PDE10A: variants seen among roughly 807,000 people sequenced by gnomAD.
PDE10A encodes phosphodiesterase 10A.
Under a neutral mutation model 97.7 loss-of-function variants are expected in PDE10A, and 39 were observed. That is an observed-to-expected ratio of 0.40 (90% CI 0.31 to 0.52). PDE10A has a LOEUF of 0.52. Ranked by LOEUF, PDE10A falls within the 20% of genes least tolerant of loss-of-function variation. PDE10A has a pLI of 0.56. For synonymous variants in PDE10A, 371 were observed against 376.8 expected (o/e 0.98, Z 0.18); for missense variants, 731 against 1,047.8 (o/e 0.70, Z 4.17).
chr6:165,766,511 G>C (rs1777854247), intron 1 of PDE10A, among the ~76,000 whole-genome samples: 1 of 152,226 alleles, frequency 6.6e-6, no homozygotes, highest in Non-Finnish European at 1.5e-5. Context: ...CCCTATCAGA[G>C]AATCTGAAGC....
intron 1 of PDE10A, among the ~76,000 whole-genome samples, chr6:165,921,928 G>C (rs188999429): frequency 1.0e-3 from 153 of 152,300 alleles, no homozygotes; most frequent in Non-Finnish European, 1.7e-3. Context: ...GCCGCTGCTG[G>C]GATTAGACTG....
chr6:165,840,133 C>T (rs1780220905), intron 1 of PDE10A, among the ~76,000 whole-genome samples: 1 of 139,422 alleles, frequency 7.2e-6, no homozygotes, highest in Non-Finnish European at 1.6e-5. Context: ...TCTCTCTATC[C>T]CCATGCTCAT....
intron 1 of PDE10A, among the ~76,000 whole-genome samples, chr6:165,926,819 T>C (rs557928512): frequency 6.6e-6 from 1 of 152,352 alleles, no homozygotes; most frequent in East Asian, 1.9e-4. Context: ...ATAATGAAGA[T>C]GTTGTACTTT....
chr6:165,454,987 TA>T (rs1777864496), intron 3 of PDE10A, among the ~76,000 whole-genome samples: 1 of 152,104 alleles, frequency 6.6e-6, no homozygotes, highest in South Asian at 2.1e-4. Flanking sequence ...AGAAGAATCC[TA>T]CTATGCCACC....
intron 2 of PDE10A, among the ~76,000 whole-genome samples, chr6:165,520,975 T>G (rs749643068): frequency 6.7e-6 from 1 of 149,656 alleles, no homozygotes; most frequent in South Asian, 2.1e-4. Flanking sequence ...ACAGATACTA[T>G]GGTTTTTTTT....
chr6:165,855,257 G>C (rs537970995), intron 1 of PDE10A, among the ~76,000 whole-genome samples: 14 of 151,096 alleles, frequency 9.3e-5, no homozygotes, highest in Non-Finnish European at 8.9e-5. Flanking sequence ...GCAGGTGCTG[G>C]TGAGGGCACC....
chr6:165,946,779 A>G (rs570074814), intron 1 of PDE10A: 1 of 152,370 alleles, frequency 6.6e-6, no homozygotes, highest in East Asian at 1.9e-4. Context: ...TTTAATAATT[A>G]AAATACATGT....
intron 1 of PDE10A, among the ~76,000 whole-genome samples, chr6:165,581,054 T>C (rs995358404): frequency 6.6e-6 from 1 of 152,242 alleles, no homozygotes; most frequent in Non-Finnish European, 1.5e-5. Context: ...AAAATAAATA[T>C]TAATTTCCTT....
At chr6:165,675,168 A>G (rs561241455) in intron 1 of PDE10A, among the ~76,000 whole-genome samples, 12 of 152,242 alleles carry the variant, frequency 7.9e-5, no homozygotes, top group Non-Finnish European at 1.8e-4. Context: ...ACAATGTAAC[A>G]TTGTTATTCT....
chr6:165,418,824 G>C lies in PDE10A; in HGVS notation c.1654-47C>G. On this transcript the variant is annotated intron_variant, in intron 10 of 21. Transcript: ENST00000539869. This position sits in a 1 kb window ranked among gnomAD's most constrained non-coding sequence, Gnocchi z 4.8. ...AGAGGAAGACAATGAGACATTCAAA[G>C]AACTTGCAGGTAAACTTTATCATAA... The C allele has an allele frequency of 6.7e-7, 1 of 1,500,210 alleles. No individual in the cohort carries two copies. Among genetic ancestry groups the C allele is most frequent in the Non-Finnish European group, 9.2e-7 (1 of 1,086,152 alleles). The allele number at this position is 1,500,210 out of a possible 1,614,324, so 92.9% of individuals were successfully genotyped here. A position where few individuals can be genotyped will look rare whatever the true frequency, so the allele number is the denominator to read the frequency against.
intron 1 of PDE10A, among the ~76,000 whole-genome samples, chr6:165,714,914 GC>G (rs1187593847): frequency 2.0e-5 from 3 of 148,174 alleles, no homozygotes; most frequent in Non-Finnish European, 4.5e-5. Flanking sequence ...CCCTTCCCCA[GC>G]CCAGGGCAAG....
chr6:165,817,304 C>G (rs1779445362), intron 1 of PDE10A, among the ~76,000 whole-genome samples: 1 of 152,134 alleles, frequency 6.6e-6, no homozygotes, highest in Non-Finnish European at 1.5e-5. Flanking sequence ...AAGACATTCA[C>G]TGGCCCCATA....
At chr6:165,874,607 T>C (rs1349356208) in intron 1 of PDE10A, among the ~76,000 whole-genome samples, 1 of 152,238 alleles carries the variant, frequency 6.6e-6, no homozygotes, top group African/African-American at 2.4e-5. Flanking sequence ...ATGGTGCTTA[T>C]TGATGAATGT....
intron 1 of PDE10A, among the ~76,000 whole-genome samples, chr6:165,587,946 T>G (rs1446897000): frequency 6.6e-6 from 1 of 152,200 alleles, no homozygotes; most frequent in Admixed American, 6.5e-5. Flanking sequence ...CAAAGCAAGA[T>G]TCATTACGAT....
chr6:165,941,984 C>T (rs1273461391), intron 1 of PDE10A, among the ~76,000 whole-genome samples: 1 of 152,156 alleles, frequency 6.6e-6, no homozygotes, highest in African/African-American at 2.4e-5. Context: ...AGGGATGCAC[C>T]TGGCTTCAGT....
chr6:165,891,314 G>C (rs151239645), intron 1 of PDE10A, among the ~76,000 whole-genome samples: 158 of 152,304 alleles, frequency 1.0e-3, no homozygotes, highest in Non-Finnish European at 1.7e-3. Context: ...GAAGTGGATT[G>C]GTCTGAGGCT....
rs1017564639 is a variant in PDE10A, at chr6:165,468,027, C to T, written c.1023+14288G>A. Among the ~76,000 whole-genome samples, 11 of 152,092 alleles carry T rather than the reference C, an allele frequency of 7.2e-5. No individual in the cohort carries two copies. The South Asian group carries it at 1.0e-3, about 14-fold the overall frequency. Reference sequence around the variant, plus strand: ...CCCCAGCAAAAAGATTACAACTTGCCGACAGCTCAGATAATCTTTAGCATT... The same window carrying T: ...CCCCAGCAAAAAGATTACAACTTGCTGACAGCTCAGATAATCTTTAGCATT... On this transcript the variant is annotated intron_variant, in intron 3 of 21. Coordinates refer to ENST00000539869, the MANE Select transcript of PDE10A (RefSeq NM_001385079.1).
At chr6:165,952,947 C>A (rs1784014913) in intron 1 of PDE10A, among the ~76,000 whole-genome samples, 1 of 152,144 alleles carries the variant, frequency 6.6e-6, no homozygotes, top group Non-Finnish European at 1.5e-5. Flanking sequence ...CCAGCGGCCT[C>A]CCTCAGGTCC....
chr6:165,423,267 A>G (rs1220179869), intron 10 of PDE10A, among the ~76,000 whole-genome samples: 2 of 152,314 alleles, frequency 1.3e-5, no homozygotes, highest in East Asian at 3.9e-4. Flanking sequence ...ATCTCACACT[A>G]ATTTGAGTTA....
Sources: gnomAD v4.1 joint callset for allele counts (sites outside exome capture counted in the v4.1 genomes callset) on GRCh38, gnomAD v4.1.1 for gene constraint, Gnocchi (gnomAD v3.1) non-coding constraint, MANE v1.5 for transcripts, NCBI Gene and HGNC (gene_info 2026-07-23, HGNC 2026-07-21) for gene names.